Variants in NCOA2 observed in about 807,000 individuals in gnomAD.
NCOA2 encodes the protein nuclear receptor coactivator 2.
Under a neutral mutation model 145.1 loss-of-function variants are expected in NCOA2, and 21 were observed. The observed-to-expected ratio is 0.14, with a 90% CI of 0.10 to 0.21. The LOEUF (loss-of-function observed/expected upper bound fraction) is 0.21. NCOA2 is among the 10% of genes least tolerant of loss of function. NCOA2 has a pLI of 1.00. For synonymous variants in NCOA2, 619 were observed against 637.5 expected (o/e 0.97, Z 0.44); for missense variants, 1,472 against 1,837.6 (o/e 0.80, Z 3.64).
chr8:70,251,754 C>T (rs1410890135), intron 2 of NCOA2, among the ~76,000 whole-genome samples: 2 of 152,202 alleles, frequency 1.3e-5, no homozygotes, highest in Non-Finnish European at 2.9e-5. Context: ...AAGTCTCTGA[C>T]AGTTTTAATG....
chr8:70,408,351 A>G (rs902739762), upstream of NCOA2, among the ~76,000 whole-genome samples: 1 of 152,246 alleles, frequency 6.6e-6, no homozygotes, highest in African/African-American at 2.4e-5. Flanking sequence ...TTTCTTCTGT[A>G]TGTTAGCATG....
Position 70,371,288 on chromosome 8 carries a change from C to CAAAT in NCOA2, c.-77+32408_-77+32411dup, listed in dbSNP as rs554177008. Among the ~76,000 whole-genome samples, 256 of 151,412 alleles carry CAAAT rather than the reference C, an allele frequency of 1.7e-3. 1 individual carries two copies. The highest frequency in any genetic ancestry group is 3.0e-3 in the Non-Finnish European group (201 of 67,910). On this transcript the variant is annotated intron_variant, in intron 1 of 22. Coordinates refer to ENST00000452400, the MANE Select transcript of NCOA2 (RefSeq NM_006540.4). ...TGGGTGACAGAGTGAGACTCAGTCT[C>CAAAT]AAATAAATAAATAAATAAATAAAAA...
At chr8:70,417,674 G>T in the NCOA2 span, among the ~76,000 whole-genome samples, 3 of 152,282 alleles carry the variant, frequency 2.0e-5, no homozygotes, top group African/African-American at 7.2e-5. Flanking sequence ...ACCCGGTCAG[G>T]TGACTCAAAA....
intron 15 of NCOA2, among the ~76,000 whole-genome samples, chr8:70,132,457 G>A (rs1005858311): frequency 3.3e-5 from 5 of 152,220 alleles, no homozygotes; most frequent in Non-Finnish European, 5.9e-5. Context: ...AGAAATGAGA[G>A]AACTAGAGGC....
intron 1 of NCOA2, among the ~76,000 whole-genome samples, chr8:70,401,368 T>A (rs939928221): frequency 2.6e-5 from 4 of 152,206 alleles, no homozygotes; most frequent in African/African-American, 7.2e-5. Flanking sequence ...TTTTTAAGAA[T>A]CTTTTGTGTG....
chr8:70,348,055 C>T (rs754128984), intron 1 of NCOA2, among the ~76,000 whole-genome samples: 5 of 152,218 alleles, frequency 3.3e-5, no homozygotes, highest in Non-Finnish European at 7.3e-5. Context: ...AAAAATAGTT[C>T]CTACCCCCCA....
intron 1 of NCOA2, among the ~76,000 whole-genome samples, chr8:70,399,287 C>T (rs1386169969): frequency 1.3e-5 from 2 of 152,092 alleles, no homozygotes; most frequent in Admixed American, 6.5e-5. Context: ...AAAACACAAA[C>T]ACCTAGAACA....
intron 1 of NCOA2, among the ~76,000 whole-genome samples, chr8:70,322,226 T>C (rs1473384600): frequency 6.6e-6 from 1 of 152,158 alleles, no homozygotes; most frequent in African/African-American, 2.4e-5. Context: ...CACTAATAAC[T>C]TATAGCTTAA....
intron 1 of NCOA2, among the ~76,000 whole-genome samples, chr8:70,345,692 G>C (rs1808553210): frequency 6.6e-6 from 1 of 152,116 alleles, no homozygotes; most frequent in South Asian, 2.1e-4. Context: ...AATCGGACAT[G>C]ATCTGAAAGA....
the NCOA2 span, among the ~76,000 whole-genome samples, chr8:70,440,087 C>T: frequency 6.6e-6 from 1 of 152,092 alleles, no homozygotes; most frequent in Non-Finnish European, 1.5e-5. Flanking sequence ...AGGATCGAGA[C>T]CATCCTGGCT....
intron 2 of NCOA2, among the ~76,000 whole-genome samples, chr8:70,242,866 C>G (rs953212889): frequency 2.0e-5 from 3 of 151,976 alleles, no homozygotes; most frequent in Non-Finnish European, 4.4e-5. Context: ...AAAATTCGTT[C>G]CAAGAAACAA....
At chr8:70,408,106 T>C (rs1296913806), upstream of NCOA2, among the ~76,000 whole-genome samples, 2 of 152,116 alleles carry the variant, frequency 1.3e-5, no homozygotes, top group African/African-American at 4.8e-5. Context: ...CATTCCAGGG[T>C]ATTCTGAGTG....
At chr8:70,142,501 T>A (rs1810553270) in intron 13 of NCOA2, among the ~76,000 whole-genome samples, 1 of 152,042 alleles carries the variant, frequency 6.6e-6, no homozygotes, top group Admixed American at 6.6e-5. Flanking sequence ...GAATTCGAGG[T>A]GAGCCTGGGC....
At chr8:70,363,440 C>T (rs1280778269) in intron 1 of NCOA2, among the ~76,000 whole-genome samples, 1 of 151,582 alleles carries the variant, frequency 6.6e-6, no homozygotes, top group Non-Finnish European at 1.5e-5. Context: ...AAGCCCACTC[C>T]TAGATATTTA....
chr8:70,435,424 C>CAAAAAAA, the NCOA2 span, among the ~76,000 whole-genome samples: 40 of 20,152 alleles, frequency 2.0e-3, 2 homozygotes, highest in South Asian at 3.1e-3. Context: ...GACTCCGTCT[C>CAAAAAAA]AAAAAAAAAA....
intron 1 of NCOA2, among the ~76,000 whole-genome samples, chr8:70,394,345 G>A (rs569586836): frequency 1.3e-5 from 2 of 152,254 alleles, no homozygotes; most frequent in South Asian, 2.1e-4. Context: ...AACTGAGATG[G>A]GGTTTCTCCA....
At chr8:70,297,554 A>C (rs1237180956) in intron 1 of NCOA2, among the ~76,000 whole-genome samples, 2 of 152,160 alleles carry the variant, frequency 1.3e-5, no homozygotes, top group Non-Finnish European at 2.9e-5. Context: ...GCTGGTCTCG[A>C]ACTCCTAGCC....
At chr8:70,130,766 G>A (rs1325659774) in intron 16 of NCOA2, among the ~76,000 whole-genome samples, 1 of 152,174 alleles carries the variant, frequency 6.6e-6, no homozygotes, top group Non-Finnish European at 1.5e-5. Flanking sequence ...CTGGACACTG[G>A]CAGGTACTTT....
chr8:70,244,214 T>C (rs1226916563), intron 2 of NCOA2, among the ~76,000 whole-genome samples: 1 of 152,118 alleles, frequency 6.6e-6, no homozygotes, highest in Non-Finnish European at 1.5e-5. Context: ...CCATCTGCTC[T>C]AGAAGTTAAA....
Sources: gnomAD v4.1 joint callset for allele counts (sites outside exome capture counted in the v4.1 genomes callset) on GRCh38, gnomAD v4.1.1 for gene constraint, MANE v1.5 for transcripts, NCBI Gene and HGNC (gene_info 2026-07-23, HGNC 2026-07-21) for gene names.